The following ST6GALNAC3 variants were observed in gnomAD, a reference collection of about 807,000 sequenced individuals.
The protein encoded by ST6GALNAC3 is alpha-N-acetylgalactosaminide alpha-2,6-sialyltransferase 3.
In ST6GALNAC3, 25 loss-of-function variants were observed where a neutral mutation model predicts 32.7. That is an observed-to-expected ratio of 0.76 (90% CI 0.56 to 1.07). ST6GALNAC3 has a LOEUF of 1.07. ST6GALNAC3 is among the 50% of genes least tolerant of loss of function. The pLI, the probability that ST6GALNAC3 is intolerant of heterozygous loss-of-function variation, is 0.00. For missense variants in ST6GALNAC3, 355 were observed against 382.4 expected, an observed-to-expected ratio of 0.93 and a Z score of 0.60; for synonymous variants, 129 against 133.1, an observed-to-expected ratio of 0.97 and a Z score of 0.21.
intron 2 of ST6GALNAC3, among the ~76,000 whole-genome samples, chr1:76,371,808 A>G (rs971667016): frequency 2.6e-5 from 4 of 152,178 alleles, no homozygotes; most frequent in Admixed American, 6.5e-5. Context: ...TACATTTTGT[A>G]GGTCAACAAC....
chr1:76,295,082 C>T (rs1159999328), intron 1 of ST6GALNAC3, among the ~76,000 whole-genome samples: 2 of 140,126 alleles, frequency 1.4e-5, no homozygotes, highest in African/African-American at 2.4e-5. Flanking sequence ...TTTTTGCAAA[C>T]CAGTGGGCAT....
At chr1:76,376,384 A>G (rs1651231161) in intron 2 of ST6GALNAC3, among the ~76,000 whole-genome samples, 1 of 152,188 alleles carries the variant, frequency 6.6e-6, no homozygotes, top group African/African-American at 2.4e-5. Flanking sequence ...TAGTGTAACC[A>G]ATACCACAGT....
intron 3 of ST6GALNAC3, among the ~76,000 whole-genome samples, chr1:76,435,270 T>C (rs777762047): frequency 6.6e-5 from 10 of 152,098 alleles, no homozygotes; most frequent in Non-Finnish European, 1.3e-4. Context: ...CTAAAATCAA[T>C]TTGAGAATAC....
chr1:76,105,871 C>G (rs918411921), intron 1 of ST6GALNAC3, among the ~76,000 whole-genome samples: 1 of 151,996 alleles, frequency 6.6e-6, no homozygotes, highest in Non-Finnish European at 1.5e-5. Flanking sequence ...TTTTCTTACT[C>G]TTTTTTTTAA....
chr1:76,271,464 T>C (rs1020668349), intron 1 of ST6GALNAC3, among the ~76,000 whole-genome samples: 2 of 152,216 alleles, frequency 1.3e-5, no homozygotes, highest in African/African-American at 4.8e-5. Flanking sequence ...CTAAGCAAAA[T>C]GCACAGAAAT....
chr1:76,634,077 T>C lies in ST6GALNAC3; in HGVS notation c.*5271T>C, dbSNP rs1251352810. ...TTCAGTTAACTACTTGTTTGTTTCT[T>C]TTCAGAATAGGCACTTTTTTTTGAG... On this transcript the variant is annotated 3_prime_UTR_variant, in exon 5 of 5. Coordinates refer to ENST00000328299, the MANE Select transcript of ST6GALNAC3 (RefSeq NM_152996.4). 7.2e-6 allele frequency: 6 copies of C among 831,390 alleles called. No individual in the cohort carries two copies. The highest frequency in any genetic ancestry group is 8.7e-6 in the Non-Finnish European group (6 of 689,674). 51.5% of individuals were successfully genotyped at this position (831,390 alleles called of 1,614,324 possible).
At chr1:76,138,277 G>A (rs1043330447) in intron 1 of ST6GALNAC3, among the ~76,000 whole-genome samples, 1 of 152,152 alleles carries the variant, frequency 6.6e-6, no homozygotes, top group Non-Finnish European at 1.5e-5. Context: ...CAAAGACAGG[G>A]TCACTGAACC....
At chr1:76,295,091 A>AC (rs531515711) in intron 1 of ST6GALNAC3, among the ~76,000 whole-genome samples, 1 of 148,892 alleles carries the variant, frequency 6.7e-6, no homozygotes, top group East Asian at 2.0e-4. Flanking sequence ...ACCAGTGGGC[A>AC]TTTTTTTTTT....
At chr1:76,155,075 C>T (rs1001034383) in intron 1 of ST6GALNAC3, among the ~76,000 whole-genome samples, 1 of 152,086 alleles carries the variant, frequency 6.6e-6, no homozygotes, top group Non-Finnish European at 1.5e-5. Context: ...GTGACCTTCT[C>T]TTTATTTGTG....
At chr1:76,497,704 T>C (rs897132179) in intron 3 of ST6GALNAC3, among the ~76,000 whole-genome samples, 1 of 152,170 alleles carries the variant, frequency 6.6e-6, no homozygotes, top group African/African-American at 2.4e-5. Flanking sequence ...ACATATCCCA[T>C]TTTGGAGAGG....
chr1:76,537,333 C>A (rs531872895), intron 3 of ST6GALNAC3, among the ~76,000 whole-genome samples: 11 of 152,096 alleles, frequency 7.2e-5, no homozygotes, highest in African/African-American at 2.6e-4. Context: ...CAGTGTTAAG[C>A]GGGAAATTTA....
At chr1:76,507,108 G>A (rs750434562) in intron 3 of ST6GALNAC3, among the ~76,000 whole-genome samples, 4 of 152,138 alleles carry the variant, frequency 2.6e-5, no homozygotes, top group Non-Finnish European at 5.9e-5. Context: ...GCTGCTGCTA[G>A]CTTCAATCCT....
At chr1:76,536,891 A>T (rs1663644546) in intron 3 of ST6GALNAC3, among the ~76,000 whole-genome samples, 1 of 152,162 alleles carries the variant, frequency 6.6e-6, no homozygotes, top group South Asian at 2.1e-4. Context: ...AAATAGTGGG[A>T]GACTTTTACA....
At position 76,633,671 on chromosome 1, in the gene ST6GALNAC3, C is replaced by A. The variant is rs1649405093; in HGVS notation, c.*4865C>A. 6.6e-6 allele frequency: 1 copy of A among 152,214 alleles called. No homozygotes were observed. The highest frequency in any genetic ancestry group is 1.5e-5 in the Non-Finnish European group (1 of 68,038). 9.4% of individuals were successfully genotyped at this position (152,214 alleles called of 1,614,324 possible). On this transcript the variant is annotated 3_prime_UTR_variant, in exon 5 of 5. Transcript: ENST00000328299. ...AAGTTAGTGAAATTATCCATCAGCA[C>A]TAACACCACCCTTTGGGTTCATGCT...
chr1:76,128,107 G>T (rs1167580761), intron 1 of ST6GALNAC3, among the ~76,000 whole-genome samples: 2 of 152,144 alleles, frequency 1.3e-5, no homozygotes, highest in Non-Finnish European at 2.9e-5. Flanking sequence ...ATCACGAGAA[G>T]TCGGAGCCCA....
chr1:76,182,873 A>C (rs145590846), intron 1 of ST6GALNAC3, among the ~76,000 whole-genome samples: 1 of 152,092 alleles, frequency 6.6e-6, no homozygotes, highest in African/African-American at 2.4e-5. Context: ...TAGTTTTTAC[A>C]ACCTACGAAT....
In ST6GALNAC3 at chr1:76,229,367, C is replaced by T. The variant is rs143852904; in HGVS notation, c.19-84438C>T. 7.9e-3 allele frequency among the ~76,000 whole-genome samples: 1,197 copies of T among 152,284 alleles called. 10 individuals carry two copies. Among genetic ancestry groups the T allele is most frequent in the Middle Eastern group, 0.031 (9 of 294 alleles). The stretch of plus-strand genomic sequence containing the variant: ...GCCAAATAACACACCCCTAACAAAT[C>T]AGACAGGATGCCCCACTTCCTGTTA... On this transcript the variant is annotated intron_variant, in intron 1 of 4. Transcript: ENST00000328299.
chr1:76,145,955 C>T (rs1055793593), intron 1 of ST6GALNAC3, among the ~76,000 whole-genome samples: 6 of 152,124 alleles, frequency 3.9e-5, no homozygotes, highest in African/African-American at 1.4e-4. Flanking sequence ...GGACCTGTAC[C>T]TAAGATAGCT....
chr1:76,168,587 T>C (rs566901573), intron 1 of ST6GALNAC3, among the ~76,000 whole-genome samples: 17 of 152,324 alleles, frequency 1.1e-4, no homozygotes, highest in African/African-American at 3.6e-4. Flanking sequence ...CCCACTATTA[T>C]TGTGTGGGAG....
Sources: allele counts gnomAD v4.1 joint callset (sites outside exome capture counted in the v4.1 genomes callset), GRCh38; gene constraint gnomAD v4.1.1; transcripts MANE v1.5; gene names NCBI Gene and HGNC (gene_info 2026-07-23, HGNC 2026-07-21).